The following COL10A1 variants were observed in gnomAD, a reference collection of about 807,000 sequenced individuals.
COL10A1 encodes the protein collagen alpha-1(X) chain.
COL10A1 carries 10 observed loss-of-function variants against 18.2 expected under a neutral mutation model. The ratio of observed to expected loss-of-function variants is 0.55; its 90% CI spans 0.34 to 0.93. The LOEUF is 0.93. Ranked by LOEUF, COL10A1 falls within the 40% of genes least tolerant of loss-of-function variation. The probability of loss-of-function intolerance (pLI) is 0.02; values close to 1 mark genes in which losing one functional copy is unlikely to be tolerated. For missense variants in COL10A1, 897 were observed against 853.5 expected (o/e 1.05, Z -0.64); for synonymous variants, 330 against 316.6 (o/e 1.04, Z -0.45).
At chr6:116,181,163 A>G in the COL10A1 span, among the ~76,000 whole-genome samples, 1 of 152,012 alleles carries the variant, frequency 6.6e-6, no homozygotes, top group African/African-American at 2.4e-5. Flanking sequence ...AGTTTGTTAT[A>G]CTCACCTCTC....
intron 1 of COL10A1, among the ~76,000 whole-genome samples, chr6:116,144,807 G>A (rs1562137195): frequency 6.6e-6 from 1 of 152,236 alleles, no homozygotes; most frequent in South Asian, 2.1e-4. Context: ...CTGTGAGTTA[G>A]TTCACCACAT....
chr6:116,209,296 C>T, the COL10A1 span, among the ~76,000 whole-genome samples: 1 of 151,922 alleles, frequency 6.6e-6, no homozygotes, highest in South Asian at 2.1e-4. Flanking sequence ...CCTTTCTTAG[C>T]TTGTGGGCTG....
chr6:116,207,702 G>T, the COL10A1 span, among the ~76,000 whole-genome samples: 1 of 151,866 alleles, frequency 6.6e-6, no homozygotes, highest in African/African-American at 2.4e-5. Flanking sequence ...GCCCTGCTTA[G>T]AGTAGAATAT....
the COL10A1 span, among the ~76,000 whole-genome samples, chr6:116,186,190 G>T: frequency 6.6e-6 from 1 of 152,008 alleles, no homozygotes; most frequent in Non-Finnish European, 1.5e-5. Context: ...GAGAACAAAG[G>T]TAGGACCCCA....
rs559666454 is a variant in COL10A1, at chr6:116,138,614, T to C, written c.-15-13107A>G. On this transcript the variant is annotated intron_variant, in intron 1 of 1. Transcript: ENST00000418500. ...TTCGAAGAAGTGTCAAACATGCTTA[T>C]TTTTTAGGACATCATGGCTTGTTAT... 5.3e-5 allele frequency among the ~76,000 whole-genome samples: 8 copies of C among 152,104 alleles called. No individual in the cohort carries two copies. In the East Asian group the frequency reaches 1.2e-3, roughly 22 times the overall value.
the COL10A1 span, among the ~76,000 whole-genome samples, chr6:116,185,223 G>A: frequency 6.6e-6 from 1 of 152,062 alleles, no homozygotes; most frequent in African/African-American, 2.4e-5. Context: ...TGGTCTAAGA[G>A]AGTACTTGAT....
At chr6:116,149,487 G>A (rs1779981446) in intron 1 of COL10A1, among the ~76,000 whole-genome samples, 1 of 152,148 alleles carries the variant, frequency 6.6e-6, no homozygotes, top group South Asian at 2.1e-4. Context: ...GGCTACTTTA[G>A]TAGGATAAGT....
At chr6:116,150,410 A>C (rs1299025031) in intron 1 of COL10A1, among the ~76,000 whole-genome samples, 1 of 151,998 alleles carries the variant, frequency 6.6e-6, no homozygotes, top group Non-Finnish European at 1.5e-5. Context: ...TCAACCTCCC[A>C]AGTAGCTGGG....
intron 1 of COL10A1, among the ~76,000 whole-genome samples, chr6:116,150,941 A>G (rs1311973696): frequency 1.4e-4 from 21 of 152,228 alleles, no homozygotes; most frequent in Admixed American, 1.4e-3. Flanking sequence ...TAAATTTTAT[A>G]AGTAAAACAT....
chr6:116,215,302 C>T, the COL10A1 span, among the ~76,000 whole-genome samples: 1 of 152,086 alleles, frequency 6.6e-6, no homozygotes, highest in African/African-American at 2.4e-5. Flanking sequence ...AAATAAATTG[C>T]AAAACATGGT....
At chr6:116,156,388 G>A (rs994134536) in intron 1 of COL10A1, among the ~76,000 whole-genome samples, 1 of 152,122 alleles carries the variant, frequency 6.6e-6, no homozygotes, top group Non-Finnish European at 1.5e-5. Flanking sequence ...TTAATACTAT[G>A]TAGGCACTTT....
chr6:116,131,275 A>C (rs1239528224), intron 1 of COL10A1, among the ~76,000 whole-genome samples: 1 of 152,212 alleles, frequency 6.6e-6, no homozygotes, highest in African/African-American at 2.4e-5. Context: ...AATTTATAAA[A>C]CAAGGAATAT....
intron 1 of COL10A1, among the ~76,000 whole-genome samples, chr6:116,152,704 A>T (rs1176069636): frequency 6.6e-6 from 1 of 152,000 alleles, no homozygotes. Context: ...TTTTTCCTCC[A>T]TCTTTTTACA....
At chr6:116,202,429 A>G in the COL10A1 span, among the ~76,000 whole-genome samples, 2 of 151,992 alleles carry the variant, frequency 1.3e-5, no homozygotes, top group Non-Finnish European at 2.9e-5. Flanking sequence ...ACTCTTTTTT[A>G]GGGGAAACGA....
intron 1 of COL10A1, among the ~76,000 whole-genome samples, chr6:116,154,029 C>CTT (rs34356532): frequency 9.0e-5 from 11 of 122,336 alleles, no homozygotes; most frequent in South Asian, 8.2e-4. Context: ...GGGAAGATTT[C>CTT]TTTTTTTTTT....
At chr6:116,211,702 A>G in the COL10A1 span, among the ~76,000 whole-genome samples, 1 of 152,076 alleles carries the variant, frequency 6.6e-6, no homozygotes, top group Non-Finnish European at 1.5e-5. Context: ...TGTACTACCT[A>G]TTACAGAGAA....
chr6:116,149,491 G>A (rs1027449380), intron 1 of COL10A1, among the ~76,000 whole-genome samples: 1 of 152,144 alleles, frequency 6.6e-6, no homozygotes, highest in Non-Finnish European at 1.5e-5. Context: ...ACTTTAGTAG[G>A]ATAAGTAACT....
chr6:116,189,069 G>C, the COL10A1 span, among the ~76,000 whole-genome samples: 1 of 151,826 alleles, frequency 6.6e-6, no homozygotes, highest in Non-Finnish European at 1.5e-5. Context: ...GTCATTATCA[G>C]TTTTCTCATT....
chr6:116,120,324 A>G lies in COL10A1; in HGVS notation c.1792T>C (p.Tyr598His), dbSNP rs111033544. 1 of 1,614,114 alleles carries G rather than the reference A, an allele frequency of 6.2e-7. No individual in the cohort carries two copies. The change falls in exon 3 of 3, where the codon TAT (tyrosine) becomes CAT (histidine). Residue 598 changes from tyrosine to histidine, a missense_variant. By Grantham distance (83) the Tyr-to-His change is moderately conservative (BLOSUM62 2). Transcript: ENST00000651968. ...TTCACATGCACGTGGTATGAAAAAT[A>G]GTATATTCCTGGTATCTGACAAGTA... Reference protein sequence around the residue: ...IFTCQIPGIYYFSYHVHVKGT... With the variant: ...IFTCQIPGIYHFSYHVHVKGT...
Sources: gnomAD v4.1 joint callset for allele counts (sites outside exome capture counted in the v4.1 genomes callset) on GRCh38, gnomAD v4.1.1 for gene constraint, MANE v1.5 for transcripts, NCBI Gene and HGNC (gene_info 2026-07-23, HGNC 2026-07-21) for gene names.